PCBP3: variants seen among roughly 807,000 people sequenced by gnomAD.
PCBP3 encodes poly(rC)-binding protein 3.
In PCBP3, 25 loss-of-function variants were observed where a neutral mutation model predicts 52.7. The observed-to-expected ratio is 0.47, with a 90% CI of 0.35 to 0.66. PCBP3 has a LOEUF of 0.66. Among genes scored for constraint, PCBP3 ranks in the 30% least tolerant of loss-of-function variants. The probability of loss-of-function intolerance (pLI) is 0.01; values close to 1 mark genes in which losing one functional copy is unlikely to be tolerated. For missense variants in PCBP3, 391 were observed against 490.3 expected, an observed-to-expected ratio of 0.80 and a Z score of 1.91; for synonymous variants, 162 against 183.0, an observed-to-expected ratio of 0.89 and a Z score of 0.93.
rs2093329470 is a variant in PCBP3, at chr21:45,827,138, C to G, written c.-125-22823C>G. On this transcript the variant is annotated intron_variant, in intron 4 of 17. Coordinates refer to ENST00000681687, the MANE Select transcript of PCBP3 (RefSeq NM_001384156.1). The surrounding 1 kb of genome is among the most constrained non-coding windows in gnomAD (Gnocchi z 4.3). ...GGGACCACACGGGGACTGGAGCTCC[C>G]TACCTGCTCAGGATCTCCTTCCCAT... Among the ~76,000 whole-genome samples, 2 of 152,160 alleles carry G rather than the reference C, an allele frequency of 1.3e-5. No homozygotes were observed. The highest frequency in any genetic ancestry group is 6.5e-5 in the Admixed American group (1 of 15,282).
intron 5 of PCBP3, among the ~76,000 whole-genome samples, chr21:45,863,384 G>A (rs963239060): frequency 1.3e-5 from 2 of 152,212 alleles, no homozygotes; most frequent in African/African-American, 4.8e-5. Flanking sequence ...GGGTCCTGGG[G>A]TTTCTGCCCC....
chr21:45,895,415 A>C lies in PCBP3; in HGVS notation c.11-793A>C, dbSNP rs551861687. Reference sequence around the variant, plus strand: ...GTGAGGTGTTGCCCTTCAGGGAAGGACTCGGGATGAGGCTGACTCTGCAGA... The same window carrying C: ...GTGAGGTGTTGCCCTTCAGGGAAGGCCTCGGGATGAGGCTGACTCTGCAGA... On this transcript the variant is annotated intron_variant, in intron 5 of 17. Transcript: ENST00000681687. Among the ~76,000 whole-genome samples the C allele has an allele frequency of 2.0e-5, 3 of 152,162 alleles. No individual in the cohort carries two copies. In the East Asian group the frequency reaches 5.8e-4, roughly 29 times the overall value.
At position 45,802,856 on chromosome 21, in the gene PCBP3, GC is replaced by G. The variant is rs1187486648; in HGVS notation, c.-125-47104del. ...CCACACACAGGCCACGGAGGGAAAA[GC>G]TTTTAACCCTTGTCGTGTATAAACG... is the stretch of plus-strand genomic sequence containing the variant. On this transcript the variant is annotated intron_variant, in intron 4 of 17. Transcript: ENST00000681687. This position sits in a 1 kb window ranked among gnomAD's most constrained non-coding sequence, Gnocchi z 5.1. Among the ~76,000 whole-genome samples, 1 of 152,212 alleles carries G rather than the reference GC, an allele frequency of 6.6e-6. No homozygotes were observed. Among genetic ancestry groups the G allele is most frequent in the Admixed American group, 6.5e-5 (1 of 15,286 alleles).
At chr21:45,695,797 C>T (rs973007214) in intron 2 of PCBP3, among the ~76,000 whole-genome samples, 1 of 152,036 alleles carries the variant, frequency 6.6e-6, no homozygotes, top group Non-Finnish European at 1.5e-5. Context: ...ATGGTCTTTT[C>T]CAGCCAGGTG....
chr21:45,778,664 G>A (rs1255983582), intron 4 of PCBP3, among the ~76,000 whole-genome samples: 2 of 152,214 alleles, frequency 1.3e-5, no homozygotes, highest in Non-Finnish European at 2.9e-5. Context: ...GCCCCTGGAA[G>A]GAGTGCTAAG....
At chr21:45,842,388 TTTTGTTTG>T (rs142430013) in intron 4 of PCBP3, among the ~76,000 whole-genome samples, 1 of 152,168 alleles carries the variant, frequency 6.6e-6, no homozygotes, top group African/African-American at 2.4e-5. Context: ...TCATTTTTTA[TTTTGTTTG>T]TTTGTTTGTT....
At chr21:45,728,357 T>G (rs2085210903) in intron 2 of PCBP3, among the ~76,000 whole-genome samples, 1 of 152,220 alleles carries the variant, frequency 6.6e-6, no homozygotes, top group African/African-American at 2.4e-5. Context: ...ATATGGTGTT[T>G]CTTTTTTGTT....
In PCBP3 at chr21:45,736,862, G is replaced by A. The variant is rs1379233267; in HGVS notation, c.-162+1433G>A. 1.3e-5 allele frequency among the ~76,000 whole-genome samples: 2 copies of A among 151,780 alleles called. No individual in the cohort carries two copies. Among genetic ancestry groups the A allele is most frequent in the African/African-American group, 4.8e-5 (2 of 41,366 alleles). On this transcript the variant is annotated intron_variant, in intron 3 of 17. Transcript: ENST00000681687. This position sits in a 1 kb window ranked among gnomAD's most constrained non-coding sequence, Gnocchi z 4.6. ...AGTCAGTGAGTTCATCCTGTGGCAT[G>A]TCAGGGGGTGACAGTGGCTGTGGAG... is the stretch of plus-strand genomic sequence containing the variant.
chr21:45,859,208 C>T (rs937783697), intron 5 of PCBP3, among the ~76,000 whole-genome samples: 23 of 152,058 alleles, frequency 1.5e-4, no homozygotes, highest in African/African-American at 5.3e-4. Flanking sequence ...GAATGCCCGG[C>T]ACTGTGCTGT....
chr21:45,751,418 C>T (rs778799976), intron 3 of PCBP3: 1 of 152,166 alleles, frequency 6.6e-6, no homozygotes, highest in Non-Finnish European at 1.5e-5. Context: ...CAGTGCCGTG[C>T]CACCATCTAC....
chr21:45,750,208 G>C (rs2087302598), intron 3 of PCBP3: 1 of 152,248 alleles, frequency 6.6e-6, no homozygotes, highest in African/African-American at 2.4e-5. Flanking sequence ...CCCGACTTTG[G>C]TTACCACTCA....
intron 17 of PCBP3, 144 bp from the exon 18 acceptor site, chr21:45,941,525 TG>T: frequency 1.6e-6 from 1 of 632,388 alleles, no homozygotes; most frequent in South Asian, 2.1e-5. Context: ...TGCTCTGCTG[TG>T]GTCTCCAGCT....
At chr21:45,727,077 T>A (rs1417883925) in intron 2 of PCBP3, among the ~76,000 whole-genome samples, 2 of 152,234 alleles carry the variant, frequency 1.3e-5, no homozygotes. Context: ...TTTTGTATCA[T>A]GCTTAAGAAT....
chr21:45,939,857 G>A (rs2077265853), intron 16 of PCBP3, among the ~76,000 whole-genome samples, 173 bp from the exon 17 acceptor site: 1 of 152,174 alleles, frequency 6.6e-6, no homozygotes, highest in Admixed American at 6.5e-5. Flanking sequence ...CCTGGATCAG[G>A]CACCACCTGC....
At chr21:45,647,430 A>G (rs1342747119) in intron 1 of PCBP3, among the ~76,000 whole-genome samples, 1 of 152,214 alleles carries the variant, frequency 6.6e-6, no homozygotes, top group African/African-American at 2.4e-5. Context: ...ACAGGGGGCC[A>G]TACTCAGTGC....
At chr21:45,731,512 A>G (rs1022430870) in intron 2 of PCBP3, among the ~76,000 whole-genome samples, 3 of 152,178 alleles carry the variant, frequency 2.0e-5, no homozygotes, top group Non-Finnish European at 2.9e-5. Flanking sequence ...TTCATCTCCA[A>G]CTGAGGCCTC....
At chr21:45,886,133 A>G (rs9984663) in intron 5 of PCBP3, among the ~76,000 whole-genome samples, 43,779 of 69,490 alleles carry the variant, frequency 0.63, 13,838 homozygotes, top group East Asian at 0.77. Flanking sequence ...GGTACCAAGG[A>G]CAGAGGACAT....
rs2086442545 is a variant in PCBP3 at position 45,741,400 on chromosome 21, T to C, written c.-162+5971T>C. 6.6e-6 allele frequency among the ~76,000 whole-genome samples: 1 copy of C among 151,708 alleles called. No homozygotes were observed. The highest frequency in any genetic ancestry group is 2.4e-5 in the African/African-American group (1 of 41,264). ...AGCCAGCGAGGGGAGTCCTGGAAAG[T>C]GGGGAGGAGGGCGAGGTAGGGGCTC... On this transcript the variant is annotated intron_variant, in intron 3 of 17. Transcript: ENST00000681687. The surrounding 1 kb of genome is among the most constrained non-coding windows in gnomAD (Gnocchi z 4.5).
chr21:45,743,131 A>T (rs986527955), intron 3 of PCBP3, among the ~76,000 whole-genome samples: 4 of 152,070 alleles, frequency 2.6e-5, no homozygotes, highest in South Asian at 2.1e-4. Flanking sequence ...TATCTTTCAA[A>T]TTTTTTTCCA....
Sources: allele counts gnomAD v4.1 joint callset (sites outside exome capture counted in the v4.1 genomes callset), GRCh38; gene constraint gnomAD v4.1.1; non-coding constraint Gnocchi (gnomAD v3.1); transcripts MANE v1.5; gene names NCBI Gene and HGNC (gene_info 2026-07-23, HGNC 2026-07-21).